Variants in ATG7 observed in about 807,000 individuals in gnomAD.
ATG7 encodes the protein autophagy related 7.
In ATG7, 70 loss-of-function variants were observed where a neutral mutation model predicts 82.4. That is an observed-to-expected ratio of 0.85 (90% CI 0.70 to 1.04). The LOEUF is 1.04. Among genes scored for constraint, ATG7 ranks in the 50% least tolerant of loss-of-function variants. The pLI is 0.00. For synonymous variants in ATG7, 287 were observed against 313.0 expected (o/e 0.92, Z 0.88); for missense variants, 792 against 864.3 (o/e 0.92, Z 1.05).
At chr3:11,510,297 G>T (rs927598617) in intron 20 of ATG7, 35 of 455,996 alleles carry the variant, frequency 7.7e-5, no homozygotes, top group African/African-American at 6.4e-4. Context: ...CTCTCAAGCA[G>T]AACAATTCCT....
chr3:11,568,817 G>T, the ATG7 span: 2 of 1,427,900 alleles, frequency 1.4e-6, no homozygotes, highest in Non-Finnish European at 1.8e-6. This position sits in a 1 kb window ranked among gnomAD's most constrained non-coding sequence, Gnocchi z 5.9. Context: ...GCATCCCCGC[G>T]AACACCCAAA....
At chr3:11,517,347 A>AAAAAGAAAAG (rs149664163) in intron 20 of ATG7, among the ~76,000 whole-genome samples, 1 of 149,602 alleles carries the variant, frequency 6.7e-6, no homozygotes, top group Non-Finnish European at 1.5e-5. Flanking sequence ...CTCAAAAAAA[A>AAAAAGAAAAG]AAAAGAAAAG....
chr3:11,452,184 A>T (rs2085253264), intron 20 of ATG7, among the ~76,000 whole-genome samples: 1 of 152,002 alleles, frequency 6.6e-6, no homozygotes, highest in Non-Finnish European at 1.5e-5. Context: ...CAGGCATTCA[A>T]GACCAGCCTG....
chr3:11,276,588 G>T (rs1259400427), intron 1 of ATG7, among the ~76,000 whole-genome samples: 1 of 152,106 alleles, frequency 6.6e-6, no homozygotes, highest in Non-Finnish European at 1.5e-5. Flanking sequence ...ACTCCCCAAA[G>T]TCATCAGACC....
intron 18 of ATG7, among the ~76,000 whole-genome samples, chr3:11,378,539 G>T (rs2077609701): frequency 6.6e-6 from 1 of 151,098 alleles, no homozygotes; most frequent in Non-Finnish European, 1.5e-5. Context: ...AAAAAACTTA[G>T]CTGGGTGTGG....
chr3:11,536,292 G>A (rs987678293), intron 20 of ATG7, among the ~76,000 whole-genome samples: 4 of 152,192 alleles, frequency 2.6e-5, no homozygotes, highest in African/African-American at 7.2e-5. Context: ...CCTCATCAGC[G>A]CTGAGGTTGG....
At chr3:11,574,034 TGAGA>T in the ATG7 span, among the ~76,000 whole-genome samples, 2 of 152,120 alleles carry the variant, frequency 1.3e-5, no homozygotes, top group African/African-American at 4.8e-5. Context: ...CACCAGCAGC[TGAGA>T]GAAAGGCCTG....
chr3:11,423,929 G>A (rs1250426026), intron 19 of ATG7, among the ~76,000 whole-genome samples: 4 of 152,050 alleles, frequency 2.6e-5, no homozygotes, highest in Non-Finnish European at 5.9e-5. Flanking sequence ...GACCAGAGGC[G>A]TCAGATTGTT....
In ATG7 at chr3:11,438,711, C is replaced by T. The variant is rs59800201; in HGVS notation, c.2079+11785C>T. Among the ~76,000 whole-genome samples the T allele has an allele frequency of 3.3e-5, 5 of 152,092 alleles. No individual in the cohort carries two copies. In the East Asian group the frequency reaches 9.6e-4, roughly 29 times the overall value. On this transcript the variant is annotated intron_variant, in intron 20 of 20. Coordinates refer to ENST00000693202, the MANE Select transcript of ATG7 (RefSeq NM_001349232.2). ...CCTTTGAATTATTAAAAAAATTAGG[C>T]AAATTAGTGCATTTGCTGGGTAGGA...
chr3:11,339,330 C>T (rs1333272422), intron 11 of ATG7, among the ~76,000 whole-genome samples: 1 of 148,422 alleles, frequency 6.7e-6, no homozygotes, highest in Admixed American at 6.8e-5. Context: ...AAAAGAAAAC[C>T]AGCGTATAAT....
chr3:11,510,556 G>A (rs545161771), intron 20 of ATG7, among the ~76,000 whole-genome samples: 2 of 149,642 alleles, frequency 1.3e-5, no homozygotes, highest in South Asian at 2.1e-4. Flanking sequence ...CTGTCCCCTC[G>A]CTCTTTGTGC....
intron 20 of ATG7, among the ~76,000 whole-genome samples, chr3:11,461,972 A>G (rs949710059): frequency 6.6e-6 from 1 of 151,988 alleles, no homozygotes; most frequent in South Asian, 2.1e-4. Context: ...CAGAGCTTGC[A>G]GTGAGCCGAG....
At chr3:11,317,042 G>A (rs531346913) in intron 9 of ATG7, among the ~76,000 whole-genome samples, 16 of 151,994 alleles carry the variant, frequency 1.1e-4, no homozygotes, top group East Asian at 5.8e-4. Flanking sequence ...GGGTTTCACC[G>A]TGTTAGCCAG....
intron 3 of ATG7, among the ~76,000 whole-genome samples, chr3:11,294,653 A>G (rs1013943625): frequency 3.3e-5 from 5 of 152,222 alleles, no homozygotes; most frequent in African/African-American, 1.2e-4. Context: ...GCCTCCAAAA[A>G]TAAGTGCCAG....
intron 20 of ATG7, among the ~76,000 whole-genome samples, chr3:11,540,907 T>TGGGGGGGGGGGG (rs1230126956): frequency 2.9e-5 from 1 of 35,004 alleles, no homozygotes; most frequent in Non-Finnish European, 7.4e-5. Context: ...TAGCTTTTTT[T>TGGGGGGGGGGGG]GGGGGGGGGA....
At chr3:11,320,816 C>A (rs758174624) in intron 9 of ATG7, among the ~76,000 whole-genome samples, 27 of 152,252 alleles carry the variant, frequency 1.8e-4, no homozygotes, top group Non-Finnish European at 3.2e-4. Context: ...GCCTGGCACA[C>A]AGTAGGCCTT....
chr3:11,527,025 ATGTGTGTGTGTATATATG>A (rs2092592473), intron 20 of ATG7, among the ~76,000 whole-genome samples: 2 of 146,100 alleles, frequency 1.4e-5, no homozygotes. Flanking sequence ...TAGTATATAT[ATGTGTGTGTGTATATATG>A]TGTGTGTGTG....
Position 11,285,941 on chromosome 3 carries a change from G to A in ATG7, c.-11+3503G>A, listed in dbSNP as rs147390476. ...GGTCCCCAGCTGTCACGTCTTTGTG[G>A]TCTCTTTCAGTCTGGGACAGCTCCT... is the stretch of plus-strand genomic sequence containing the variant. On this transcript the variant is annotated intron_variant, in intron 3 of 20. Coordinates refer to ENST00000693202, the MANE Select transcript of ATG7 (RefSeq NM_001349232.2). Among the ~76,000 whole-genome samples the A allele has an allele frequency of 3.1e-4, 47 of 152,250 alleles. 2 individuals are homozygous for A. In the East Asian group the frequency reaches 8.5e-3, roughly 27 times the overall value.
intron 19 of ATG7, among the ~76,000 whole-genome samples, chr3:11,415,433 T>C (rs748882528): frequency 1.3e-5 from 2 of 152,254 alleles, no homozygotes; most frequent in African/African-American, 4.8e-5. Flanking sequence ...ACTTTATAAA[T>C]GTTTTGATTA....
Sources: gnomAD v4.1 joint callset for allele counts (sites outside exome capture counted in the v4.1 genomes callset) on GRCh38, gnomAD v4.1.1 for gene constraint, Gnocchi (gnomAD v3.1) non-coding constraint, MANE v1.5 for transcripts, NCBI Gene and HGNC (gene_info 2026-07-23, HGNC 2026-07-21) for gene names.